The following FGD6 variants were observed in gnomAD, a reference collection of about 807,000 sequenced individuals.
FGD6 encodes the protein FYVE, RhoGEF and PH domain-containing protein 6.
FGD6 carries 90 observed loss-of-function variants against 149.4 expected under a neutral mutation model. The ratio of observed to expected loss-of-function variants is 0.60; its 90% CI spans 0.51 to 0.72. The LOEUF (loss-of-function observed/expected upper bound fraction) is 0.72. Ranked by LOEUF, FGD6 falls within the 30% of genes least tolerant of loss-of-function variation. The pLI is 0.00. For synonymous variants in FGD6, 527 were observed against 584.0 expected, an observed-to-expected ratio of 0.90 and a Z score of 1.41; for missense variants, 1,437 against 1,684.8, an observed-to-expected ratio of 0.85 and a Z score of 2.57.
Position 95,181,446 on chromosome 12 carries a change from A to G in FGD6, c.2442-8702T>C, listed in dbSNP as rs1412665903. Among the ~76,000 whole-genome samples, 3 of 152,232 alleles carry G rather than the reference A, an allele frequency of 2.0e-5. No individual in the cohort carries two copies. The East Asian group carries it at 5.8e-4, about 29-fold the overall frequency. On this transcript the variant is annotated intron_variant, in intron 2 of 20. Coordinates refer to ENST00000343958, the MANE Select transcript of FGD6 (RefSeq NM_018351.4). ...GCTTAGCTGGGAGGCATCCAGGTCA[A>G]ACTTAGCTAGAAGGAATCCAGGTCT...
In FGD6 at chr12:95,209,270, T is replaced by C. The variant is rs765832231; in HGVS notation, c.2014A>G (p.Ser672Gly). The change falls in exon 2 of 21, where the codon AGT becomes GGT. Residue 672 changes from serine to glycine, a missense_variant. Physicochemically the swap from Ser to Gly is moderately conservative, Grantham distance 56. Around this residue, in one of 2 missense-constraint regions of FGD6, gnomAD observed 1,055 missense variants for 1,146.0 expected, o/e 0.92. Coordinates refer to ENST00000343958, the MANE Select transcript of FGD6 (RefSeq NM_018351.4). Reference protein sequence around the residue: ...LSSGEQKGIESDWQGLLVGEE... With the variant: ...LSSGEQKGIEGDWQGLLVGEE... Reference sequence around the variant, plus strand: ...CCTACCAACAAGCCTTGCCAATCACTTTCAATCCCCTTCTGCTCCCCACTG... The same window carrying C: ...CCTACCAACAAGCCTTGCCAATCACCTTCAATCCCCTTCTGCTCCCCACTG... 7 of 1,614,156 alleles carry C rather than the reference T, an allele frequency of 4.3e-6. No homozygotes were observed. The highest frequency in any genetic ancestry group is 1.3e-5 in the African/African-American group (1 of 75,024).
chr12:95,160,155 G>A (rs922350179), intron 3 of FGD6, among the ~76,000 whole-genome samples: 42 of 151,832 alleles, frequency 2.8e-4, no homozygotes, highest in African/African-American at 9.7e-4. Flanking sequence ...GACCAGCCTG[G>A]GTAACAAAGC....
At chr12:95,087,792 ATTG>A (rs1392341223) in intron 18 of FGD6, among the ~76,000 whole-genome samples, 1 of 152,152 alleles carries the variant, frequency 6.6e-6, no homozygotes, top group Admixed American at 6.6e-5. Flanking sequence ...ATAATTATAT[ATTG>A]TTTAGTGGGA....
In FGD6 at chr12:95,110,285, T is replaced by C. The variant is rs190001350; in HGVS notation, c.3134-1724A>G. ...GCCACCACACCCGGCCTGTATTCTT[T>C]CCACATGTATCATCATCACTATTAT... On this transcript the variant is annotated intron_variant, in intron 9 of 20. Coordinates refer to ENST00000343958, the MANE Select transcript of FGD6 (RefSeq NM_018351.4). 2.5e-3 allele frequency among the ~76,000 whole-genome samples: 383 copies of C among 150,356 alleles called. 1 individual carries two copies. Among genetic ancestry groups the C allele is most frequent in the Non-Finnish European group, 4.5e-3 (301 of 67,630 alleles).
chr12:95,184,882 C>CT (rs983795233), intron 2 of FGD6, among the ~76,000 whole-genome samples: 16 of 131,120 alleles, frequency 1.2e-4, no homozygotes, highest in East Asian at 7.1e-4. Context: ...CACACTCAGC[C>CT]TTTTTTTTTG....
chr12:95,167,721 T>C (rs1880863892), intron 3 of FGD6, among the ~76,000 whole-genome samples: 1 of 151,810 alleles, frequency 6.6e-6, no homozygotes, highest in South Asian at 2.1e-4. Flanking sequence ...ATTACAGGCA[T>C]GCACCAACAC....
chr12:95,082,160 A>G (rs1360477052), intron 20 of FGD6, among the ~76,000 whole-genome samples: 2 of 152,196 alleles, frequency 1.3e-5, no homozygotes, highest in African/African-American at 2.4e-5. Flanking sequence ...TTGGAAGTTG[A>G]TATTTCAGTG....
At position 95,084,506 on chromosome 12, in the gene FGD6, C is replaced by A; in HGVS notation, c.4248G>T (p.Ser1416=). The change falls in exon 20 of 21, where the codon TCG becomes TCT. Residue 1416 remains serine (S), a synonymous_variant. Transcript: ENST00000343958. ...FYVFKAEDAH[S]AQKWIEAFQE... ...ATGGCCAGATTACTTACTTCTGAGCCGAATGAGCATCCTCTGCTTTGAATA... is the reference window on the plus strand; with the variant it reads ...ATGGCCAGATTACTTACTTCTGAGCAGAATGAGCATCCTCTGCTTTGAATA... The A allele has an allele frequency of 6.4e-7, 1 of 1,559,574 alleles. No homozygotes were observed. The highest frequency in any genetic ancestry group is 1.3e-5 in the South Asian group (1 of 79,626).
chr12:95,104,987 A>AAG lies in FGD6; in HGVS notation c.3497+18_3497+19dup. 2 of 1,451,086 alleles carry AAG rather than the reference A, an allele frequency of 1.4e-6. No individual in the cohort carries two copies. The highest frequency in any genetic ancestry group is 1.9e-6 in the Non-Finnish European group (2 of 1,075,012). 89.9% of individuals were successfully genotyped at this position (1,451,086 alleles called of 1,614,324 possible). A position where few individuals can be genotyped will look rare whatever the true frequency, so the allele number is the denominator to read the frequency against. On this transcript the variant is annotated intron_variant, in intron 14 of 20. Transcript: ENST00000343958. ...TCAGAATGAGAAAAAAAAAAAAAAA[A>AAG]AGAAGAAGAAAAAATTTACCTGGCT...
chr12:95,151,778 T>A (rs1880315380), intron 5 of FGD6, among the ~76,000 whole-genome samples: 2 of 152,244 alleles, frequency 1.3e-5, no homozygotes, highest in African/African-American at 4.8e-5. Context: ...ATGATGTTAA[T>A]AATTACACCA....
At chr12:95,202,826 C>A (rs1358285730) in intron 2 of FGD6, among the ~76,000 whole-genome samples, 1 of 152,206 alleles carries the variant, frequency 6.6e-6, no homozygotes, top group Non-Finnish European at 1.5e-5. Flanking sequence ...GGCTACAATT[C>A]TAACACGAGA....
At position 95,085,794 on chromosome 12, in the gene FGD6, A is replaced by C; in HGVS notation, c.4093T>G (p.Tyr1365Asp). 6.2e-7 allele frequency: 1 copy of C among 1,610,536 alleles called. No individual in the cohort carries two copies. Among genetic ancestry groups the C allele is most frequent in the Non-Finnish European group, 8.5e-7 (1 of 1,179,152 alleles). The change falls in exon 19 of 21, where the codon TAT (tyrosine) becomes GAT (aspartate). Residue 1365 changes from tyrosine to aspartate, a missense_variant. This residue lies in a region of FGD6 where 382 missense variants were observed against 538.7 expected (regional missense o/e 0.71). Coordinates refer to ENST00000343958, the MANE Select transcript of FGD6 (RefSeq NM_018351.4). Reference sequence around the variant, plus strand: ...TCAGATCTTACCTCACTTGCAGCATATGTATATAGTACTTTATTTTTTATG... The same window carrying C: ...TCAGATCTTACCTCACTTGCAGCATCTGTATATAGTACTTTATTTTTTATG... ...FVIKNKVLYT[Y>D]AASEDVAALE...
At chr12:95,198,640 C>T (rs186115974) in intron 2 of FGD6, among the ~76,000 whole-genome samples, 24 of 152,220 alleles carry the variant, frequency 1.6e-4, no homozygotes, top group Admixed American at 9.2e-4. Flanking sequence ...GGGGTTTCAC[C>T]GTGTTAGCCA....
intron 2 of FGD6, among the ~76,000 whole-genome samples, chr12:95,203,829 A>G (rs1334785092): frequency 6.6e-6 from 1 of 152,240 alleles, no homozygotes; most frequent in East Asian, 1.9e-4. Flanking sequence ...TATAGAATCA[A>G]GAAATCTGCC....
intron 13 of FGD6, among the ~76,000 whole-genome samples, chr12:95,105,699 G>A (rs1878589678): frequency 6.6e-6 from 1 of 152,142 alleles, no homozygotes; most frequent in Non-Finnish European, 1.5e-5. Flanking sequence ...TAATGCATGA[G>A]TGAACAAATG....
At chr12:95,085,350 G>A (rs1483233416) in intron 19 of FGD6, among the ~76,000 whole-genome samples, 3 of 151,974 alleles carry the variant, frequency 2.0e-5, no homozygotes, top group Non-Finnish European at 2.9e-5. Flanking sequence ...AAGTGTCTGG[G>A]ATTACAGGCA....
intron 2 of FGD6, among the ~76,000 whole-genome samples, chr12:95,187,363 G>A (rs1444339386): frequency 6.6e-6 from 1 of 150,664 alleles, no homozygotes. Flanking sequence ...TTCAGGCTGG[G>A]CGTGGTGGCT....
rs77716177 is a variant in FGD6, at chr12:95,117,293, C to A, written c.3083-3592G>T. Reference sequence around the variant, plus strand: ...GTAGGTACACTACAAAATGTACTCTCTGGCCACCAGGTGGCATCACTGATT... The same window carrying A: ...GTAGGTACACTACAAAATGTACTCTATGGCCACCAGGTGGCATCACTGATT... On this transcript the variant is annotated intron_variant, in intron 8 of 20. Transcript: ENST00000343958. Among the ~76,000 whole-genome samples, 835 of 152,316 alleles carry A rather than the reference C, an allele frequency of 5.5e-3. 41 individuals are homozygous for A. The East Asian group carries it at 0.13, about 25-fold the overall frequency.
intron 2 of FGD6, among the ~76,000 whole-genome samples, chr12:95,179,026 A>C (rs1881207771): frequency 6.6e-6 from 1 of 152,330 alleles, no homozygotes; most frequent in Middle Eastern, 3.4e-3. Flanking sequence ...GAAACTGTTT[A>C]AAACTGTCTC....
Sources: gnomAD v4.1 joint callset for allele counts (sites outside exome capture counted in the v4.1 genomes callset) on GRCh38, gnomAD v4.1.1 for gene constraint, gnomAD v4.1.1 regional missense constraint, MANE v1.5 for transcripts, NCBI Gene and HGNC (gene_info 2026-07-23, HGNC 2026-07-21) for gene names.